The following MLKL variants were observed in gnomAD, a reference collection of about 807,000 sequenced individuals.
MLKL encodes mixed lineage kinase domain-like protein.
MLKL carries 55 observed loss-of-function variants against 56.5 expected under a neutral mutation model. The observed-to-expected ratio is 0.97, with a 90% confidence interval of 0.78 to 1.22. The LOEUF is 1.22. Ranked by LOEUF, MLKL falls within the 50% of genes most tolerant of loss-of-function variation. MLKL has a pLI of 0.00. For synonymous variants in MLKL, 251 were observed against 208.3 expected (o/e 1.20, Z -1.76); for missense variants, 694 against 573.9 (o/e 1.21, Z -2.14).
chr16:74,698,357 G>A (rs930598769), intron 1 of MLKL, among the ~76,000 whole-genome samples: 5 of 152,072 alleles, frequency 3.3e-5, no homozygotes, highest in Non-Finnish European at 5.9e-5. Context: ...TTGGCCTGGA[G>A]CCCAAGTATG....
In MLKL at chr16:74,691,534, G is replaced by A. The variant is rs914437929; in HGVS notation, c.536-71C>T. ...AGAGGAAGGGGTCCTAAGGGAGGTG[G>A]CATATTTGTGATGTGTGAGTGGGAA... is the stretch of plus-strand genomic sequence containing the variant. On this transcript the variant is annotated intron_variant, in intron 3 of 10. Transcript: ENST00000308807. 6.0e-6 allele frequency: 9 copies of A among 1,490,430 alleles called. No homozygotes were observed. The African/African-American group carries it at 1.3e-4, about 21-fold the overall frequency. The allele number at this position is 1,490,430 out of a possible 1,614,324, so 92.3% of individuals were successfully genotyped here.
chr16:74,673,964 A>AC (rs1959406490), intron 10 of MLKL, among the ~76,000 whole-genome samples: 3 of 151,512 alleles, frequency 2.0e-5, no homozygotes, highest in Admixed American at 1.3e-4. Context: ...AAAAAAAAAA[A>AC]AAAAAAAACC....
At position 74,682,556 on chromosome 16, in the gene MLKL, G is replaced by T. The variant is rs1459014787; in HGVS notation, c.956+95C>A. 2.0e-5 allele frequency: 30 copies of T among 1,500,152 alleles called. No homozygotes were observed. In the South Asian group the frequency reaches 3.4e-4, roughly 17 times the overall value. 92.9% of individuals were successfully genotyped at this position (1,500,152 alleles called of 1,614,324 possible). A position where few individuals can be genotyped will look rare whatever the true frequency, so the allele number is the denominator to read the frequency against. On this transcript the variant is annotated intron_variant, in intron 6 of 10. Coordinates refer to ENST00000308807, the MANE Select transcript of MLKL (RefSeq NM_152649.4). ...ACAGTGTATGGGAGGGAGACTGTCT[G>T]GGGCGTCTGGCCTGTTCTCTCACCA...
At chr16:74,696,063 C>T (rs747934459) in intron 1 of MLKL, among the ~76,000 whole-genome samples, 8 of 152,202 alleles carry the variant, frequency 5.3e-5, no homozygotes, top group Non-Finnish European at 8.8e-5. Flanking sequence ...TGCTCTACTT[C>T]GGACTGGGGC....
In MLKL at chr16:74,675,063, C is replaced by G. The variant is rs1959502826; in HGVS notation, c.1278G>C (p.Val426=). 1.9e-6 allele frequency: 3 copies of G among 1,614,058 alleles called. No individual in the cohort carries two copies. Among genetic ancestry groups the G allele is most frequent in the Non-Finnish European group, 2.5e-6 (3 of 1,180,042 alleles). Residue 426 remains valine, a synonymous_variant, in exon 10 of 11, where the codon GTG becomes GTC. Transcript: ENST00000308807. ...CACCCAGTGGCTCCTGCTGCCGCTT[C>G]ACAGCCACCAGCTTGCGGATCTTCT... ...NSEKIRKLVA[V]KRQQEPLGED... is the part of the protein sequence containing the mutation.
At chr16:74,682,592 T>G (rs1960046397) in intron 6 of MLKL, 59 bp downstream of exon 6, 4 of 1,595,746 alleles carry the variant, frequency 2.5e-6, no homozygotes, top group Non-Finnish European at 3.4e-6. Context: ...TCTCTGGGAG[T>G]ATCAGGAGTG....
intron 5 of MLKL, 92 bp downstream of exon 5, chr16:74,685,394 G>T (rs1046374349): frequency 1.1e-6 from 1 of 917,162 alleles, no homozygotes; most frequent in Non-Finnish European, 1.7e-6. Flanking sequence ...TCCACCCTTT[G>T]TGATGTTCTT....
Position 74,672,449 on chromosome 16 carries a change from T to A in MLKL, c.*55A>T. The A allele has an allele frequency of 2.6e-6, 4 of 1,514,620 alleles. No homozygotes were observed. The highest frequency in any genetic ancestry group is 3.7e-6 in the Non-Finnish European group (4 of 1,090,800). The allele number at this position is 1,514,620 out of a possible 1,614,324, so 93.8% of individuals were successfully genotyped here. A position where few individuals can be genotyped will look rare whatever the true frequency, so the allele number is the denominator to read the frequency against. ...GGATATGAGAGAGAGAGATGTCCAG[T>A]TTGTGCCTCTCCCAGCTTCTTGTCC... On this transcript the variant is annotated 3_prime_UTR_variant, in exon 11 of 11. Coordinates refer to ENST00000308807, the MANE Select transcript of MLKL (RefSeq NM_152649.4).
intron 6 of MLKL, among the ~76,000 whole-genome samples, chr16:74,681,176 G>A (rs1959941871): frequency 6.6e-6 from 1 of 151,916 alleles, no homozygotes; most frequent in South Asian, 2.1e-4. Flanking sequence ...CAGGCCTGTG[G>A]CACCATGCTG....
intron 4 of MLKL, among the ~76,000 whole-genome samples, chr16:74,687,071 G>C (rs1181468410): frequency 6.6e-6 from 1 of 152,114 alleles, no homozygotes; most frequent in Non-Finnish European, 1.5e-5. Flanking sequence ...TGCCTCCTGG[G>C]TTCAAGCAAT....
At chr16:74,688,067 G>A (rs1960444350) in intron 4 of MLKL, among the ~76,000 whole-genome samples, 1 of 152,118 alleles carries the variant, frequency 6.6e-6, no homozygotes, top group Non-Finnish European at 1.5e-5. Context: ...CTGGTGATCT[G>A]CCCGCCCTGG....
chr16:74,680,654 G>A lies in MLKL; in HGVS notation c.957-1674C>T, dbSNP rs182566285. 3.1e-4 allele frequency among the ~76,000 whole-genome samples: 47 copies of A among 152,196 alleles called. No homozygotes were observed. In the East Asian group the frequency reaches 8.1e-3, roughly 26 times the overall value. On this transcript the variant is annotated intron_variant, in intron 6 of 10. Coordinates refer to ENST00000308807, the MANE Select transcript of MLKL (RefSeq NM_152649.4). ...TACGAGTAGCTGGGACTATAGGTGCGTGCCATCACGCCCAGCTAATTTTTG... is the reference window on the plus strand; with the variant it reads ...TACGAGTAGCTGGGACTATAGGTGCATGCCATCACGCCCAGCTAATTTTTG...
intron 1 of MLKL, among the ~76,000 whole-genome samples, chr16:74,698,419 A>G: frequency 6.6e-6 from 1 of 152,222 alleles, no homozygotes; most frequent in East Asian, 1.9e-4. Flanking sequence ...ATAAATGAGC[A>G]ATCGATATAG....
chr16:74,686,601 G>T (rs954944205), intron 4 of MLKL, among the ~76,000 whole-genome samples: 1 of 152,108 alleles, frequency 6.6e-6, no homozygotes, highest in Non-Finnish European at 1.5e-5. Context: ...CACAAAAAAA[G>T]ATATTTATTA....
chr16:74,682,400 C>G (rs939390754), intron 6 of MLKL, among the ~76,000 whole-genome samples: 3 of 152,290 alleles, frequency 2.0e-5, no homozygotes, highest in Admixed American at 1.3e-4. Context: ...TCTGTCCACT[C>G]CAAAATTAGG....
chr16:74,695,573 A>G lies in MLKL; in HGVS notation c.185T>C (p.Met62Thr), dbSNP rs1490304310. ...CTCCAGGGCAGCCTTGAAGCGGTTC[A>G]TGGCTGTGGTTAACTTCTCAGAGGG... ...SVPSEKLTTA[M>T]NRFKAALEEA... is the part of the protein sequence containing the mutation. The change falls in exon 2 of 11, where the codon ATG (methionine) becomes ACG (threonine). Residue 62 changes from methionine (M) to threonine (T), a missense_variant. Coordinates refer to ENST00000308807, the MANE Select transcript of MLKL (RefSeq NM_152649.4). 1.2e-6 allele frequency: 2 copies of G among 1,614,154 alleles called. No individual in the cohort carries two copies. The highest frequency in any genetic ancestry group is 2.2e-5 in the South Asian group (2 of 91,072).
At chr16:74,688,218 C>T (rs1960454278) in intron 4 of MLKL, among the ~76,000 whole-genome samples, 1 of 152,084 alleles carries the variant, frequency 6.6e-6, no homozygotes, top group Admixed American at 6.6e-5. Flanking sequence ...GATCCACCTG[C>T]CTCGGCCTCC....
chr16:74,674,978 C>T lies in MLKL; in HGVS notation c.1363G>A (p.Val455Met). ...ACCCTACCATCCACAGAGGGCCGCA[C>T]AGAGGGATCATGGGCCCGGCACTCA... ...IDECRAHDPS[V>M]RPSVDEILKK... Residue 455 changes from valine to methionine, a missense_variant, in exon 10 of 11, where the codon GTG becomes ATG. Val to Met is a conservative substitution (Grantham distance 21, BLOSUM62 1). Transcript: ENST00000308807. 6.2e-7 allele frequency: 1 copy of T among 1,614,214 alleles called. No homozygotes were observed. Among genetic ancestry groups the T allele is most frequent in the East Asian group, 2.2e-5 (1 of 44,882 alleles).
chr16:74,700,738 C>G lies in MLKL; in HGVS notation c.-288G>C, dbSNP rs1046925865. 1 of 152,288 alleles carries G rather than the reference C, an allele frequency of 6.6e-6. No individual in the cohort carries two copies. The highest frequency in any genetic ancestry group is 1.5e-5 in the Non-Finnish European group (1 of 68,084). The allele number at this position is 152,288 out of a possible 1,614,324, so 9.4% of individuals were successfully genotyped here. A position where few individuals can be genotyped will look rare whatever the true frequency, so the allele number is the denominator to read the frequency against. ...CTTGAGCAGGGTCCCTCCACTCAGC[C>G]ACTTGGATGGCTGTTTCTGTCCAGT... On this transcript the variant is annotated 5_prime_UTR_variant, in exon 1 of 11. Transcript: ENST00000308807.
Sources: allele counts gnomAD v4.1 joint callset (sites outside exome capture counted in the v4.1 genomes callset), GRCh38; gene constraint gnomAD v4.1.1; transcripts MANE v1.5; gene names NCBI Gene and HGNC (gene_info 2026-07-23, HGNC 2026-07-21).